The following FAR2 variants were observed in gnomAD, a reference collection of about 807,000 sequenced individuals.
The protein encoded by FAR2 is fatty acyl-CoA reductase 2.
Under a neutral mutation model 56.0 loss-of-function variants are expected in FAR2, and 19 were observed. The observed-to-expected ratio is 0.34, with a 90% CI of 0.24 to 0.50. The LOEUF is 0.50. Among genes scored for constraint, FAR2 ranks in the 20% least tolerant of loss-of-function variants. The pLI is 0.98. For synonymous variants in FAR2, 219 were observed against 218.8 expected (o/e 1.00, Z -0.01); for missense variants, 508 against 642.2 (o/e 0.79, Z 2.26).
intron 2 of FAR2, among the ~76,000 whole-genome samples, chr12:29,285,887 C>G (rs919911756): frequency 2.0e-5 from 3 of 152,078 alleles, no homozygotes; most frequent in African/African-American, 7.2e-5. Context: ...CCACTGCACT[C>G]CAGCCTGGTG....
chr12:29,235,757 GA>G (rs1555112612), intron 1 of FAR2, among the ~76,000 whole-genome samples: 1 of 151,962 alleles, frequency 6.6e-6, no homozygotes, highest in Non-Finnish European at 1.5e-5. Context: ...CAGCTCTGGG[GA>G]AAAAAAGGTA....
At chr12:29,203,793 A>G (rs1947443906) in intron 1 of FAR2, among the ~76,000 whole-genome samples, 4 of 151,870 alleles carry the variant, frequency 2.6e-5, no homozygotes, top group Admixed American at 2.6e-4. Context: ...AGGTCAGGAG[A>G]TCGAGACCAT....
chr12:29,311,409 C>A (rs1172502613), intron 7 of FAR2, among the ~76,000 whole-genome samples: 1 of 152,034 alleles, frequency 6.6e-6, no homozygotes, highest in Non-Finnish European at 1.5e-5. Flanking sequence ...AAAGGCTTTT[C>A]TTTCTATTCA....
At chr12:29,201,270 T>A (rs1341544860) in intron 1 of FAR2, among the ~76,000 whole-genome samples, 1 of 152,224 alleles carries the variant, frequency 6.6e-6, no homozygotes. Context: ...GTCTTTTCTT[T>A]AGGTCTTCAC....
intron 2 of FAR2, among the ~76,000 whole-genome samples, chr12:29,290,235 C>T (rs1438694897): frequency 6.6e-6 from 1 of 152,010 alleles, no homozygotes; most frequent in Non-Finnish European, 1.5e-5. Flanking sequence ...CACTGGAGGT[C>T]GGGAGTTCAA....
intron 1 of FAR2, among the ~76,000 whole-genome samples, chr12:29,241,020 G>T (rs1364048523): frequency 2.6e-5 from 4 of 152,106 alleles, no homozygotes; most frequent in African/African-American, 9.7e-5. Context: ...TGACCAGGCT[G>T]GTCTCGAACT....
In FAR2 at chr12:29,280,468, A is replaced by G. The variant is rs1308848195; in HGVS notation, c.189+9830A>G. Reference sequence around the variant, plus strand: ...AACTTTTTGCGGGAAAGGAAAGTATAATCAGAAATTCATCTATCATCTTAA... The same window carrying G: ...AACTTTTTGCGGGAAAGGAAAGTATGATCAGAAATTCATCTATCATCTTAA... On this transcript the variant is annotated intron_variant, in intron 2 of 11. Coordinates refer to ENST00000536681, the MANE Select transcript of FAR2 (RefSeq NM_001271783.2). The G allele has an allele frequency of 2.0e-5, 3 of 152,226 alleles. No homozygotes were observed. In the South Asian group the frequency reaches 6.2e-4, roughly 32 times the overall value. The allele number at this position is 152,226 out of a possible 1,614,324, so 9.4% of individuals were successfully genotyped here.
intron 1 of FAR2, among the ~76,000 whole-genome samples, chr12:29,195,962 T>G (rs1159004552): frequency 6.6e-6 from 1 of 152,174 alleles, no homozygotes; most frequent in Non-Finnish European, 1.5e-5. Context: ...GTATTTGACT[T>G]TCTGTTTCTG....
At chr12:29,242,990 A>C (rs1565485088) in intron 1 of FAR2, among the ~76,000 whole-genome samples, 1 of 152,218 alleles carries the variant, frequency 6.6e-6, no homozygotes, top group East Asian at 1.9e-4. Flanking sequence ...TGCTACAGCA[A>C]GGGAGTCAGC....
At chr12:29,253,053 G>A (rs796746275) in intron 1 of FAR2, among the ~76,000 whole-genome samples, 7 of 152,068 alleles carry the variant, frequency 4.6e-5, no homozygotes, top group African/African-American at 1.7e-4. Flanking sequence ...GATGTCCTTT[G>A]GATTCAAACT....
At chr12:29,158,597 A>T (rs1325059045) in intron 1 of FAR2, among the ~76,000 whole-genome samples, 1 of 152,264 alleles carries the variant, frequency 6.6e-6, no homozygotes, top group Non-Finnish European at 1.5e-5. Flanking sequence ...TGCTGATCAC[A>T]GGATGACACT....
chr12:29,176,015 T>C (rs1949934742), intron 1 of FAR2, among the ~76,000 whole-genome samples: 1 of 152,226 alleles, frequency 6.6e-6, no homozygotes, highest in Admixed American at 6.5e-5. Flanking sequence ...GTGACCTCAG[T>C]TTATGAAATT....
At chr12:29,233,246 A>G (rs1472761745) in intron 1 of FAR2, among the ~76,000 whole-genome samples, 1 of 152,184 alleles carries the variant, frequency 6.6e-6, no homozygotes, top group Non-Finnish European at 1.5e-5. Flanking sequence ...GCACCTGATT[A>G]TGCACACCAG....
At chr12:29,307,562 T>A in intron 4 of FAR2, 96 bp from the exon 5 acceptor site, 1 of 1,268,816 alleles carries the variant, frequency 7.9e-7, no homozygotes, top group Non-Finnish European at 1.1e-6. Context: ...GAACCGAGGC[T>A]AAAAGGTGGA....
intron 1 of FAR2, among the ~76,000 whole-genome samples, chr12:29,256,824 T>A (rs890927839): frequency 2.0e-5 from 3 of 152,178 alleles, no homozygotes; most frequent in African/African-American, 7.2e-5. Context: ...CCCCCAGCAG[T>A]GCCAGCCCAA....
At chr12:29,223,279 T>A (rs1404501617) in intron 1 of FAR2, among the ~76,000 whole-genome samples, 1 of 152,208 alleles carries the variant, frequency 6.6e-6, no homozygotes, top group Non-Finnish European at 1.5e-5. Context: ...TTTACTACAG[T>A]GCATTCCTAC....
rs117555090 is a variant in FAR2 at position 29,160,959 on chromosome 12, A to T, written c.-39+11552A>T. ...ACAATTCAACCCATAACACCCAGGA[A>T]ATTATTACTTGACTTCTTATTATCA... On this transcript the variant is annotated intron_variant, in intron 1 of 11. Transcript: ENST00000536681. Among the ~76,000 whole-genome samples the T allele has an allele frequency of 7.3e-3, 1,108 of 152,288 alleles. 8 individuals carry two copies. Among genetic ancestry groups the T allele is most frequent in the Non-Finnish European group, 0.011 (779 of 68,022 alleles).
At chr12:29,230,493 G>T (rs1437485854) in intron 1 of FAR2, among the ~76,000 whole-genome samples, 1 of 152,056 alleles carries the variant, frequency 6.6e-6, no homozygotes, top group East Asian at 1.9e-4. Flanking sequence ...CCAGTGCCTT[G>T]CATGTGAGCC....
intron 1 of FAR2, among the ~76,000 whole-genome samples, chr12:29,268,046 G>T (rs1948547481): frequency 6.6e-6 from 1 of 152,114 alleles, no homozygotes; most frequent in Non-Finnish European, 1.5e-5. Context: ...TTCCCCAAAG[G>T]CAAAGAATTC....
Sources: allele counts gnomAD v4.1 joint callset (sites outside exome capture counted in the v4.1 genomes callset), GRCh38; gene constraint gnomAD v4.1.1; transcripts MANE v1.5; gene names NCBI Gene and HGNC (gene_info 2026-07-23, HGNC 2026-07-21).